The following TMTC1 variants were observed in gnomAD, a reference collection of about 807,000 sequenced individuals.
TMTC1 encodes the protein transmembrane O-mannosyltransferase targeting cadherins 1, also known as protein O-mannosyl-transferase TMTC1.
TMTC1 carries 73 observed loss-of-function variants against 104.8 expected under a neutral mutation model. That is an observed-to-expected ratio of 0.70 (90% CI 0.58 to 0.85). The LOEUF is 0.85. Ranked by LOEUF, TMTC1 falls within the 40% of genes least tolerant of loss-of-function variation. The pLI is 0.00. For missense variants in TMTC1, 1,035 were observed against 1,096.1 expected (o/e 0.94, Z 0.79); for synonymous variants, 434 against 428.7 (o/e 1.01, Z -0.15).
chr12:29,536,162 T>G, intron 11 of TMTC1, 47 bp downstream of exon 11: 1 of 1,202,812 alleles, frequency 8.3e-7, no homozygotes, highest in Non-Finnish European at 1.2e-6. Flanking sequence ...CATTAATTTA[T>G]ACATGTAACA....
chr12:29,713,070 A>T (rs915697184), intron 5 of TMTC1, among the ~76,000 whole-genome samples: 2 of 151,960 alleles, frequency 1.3e-5, no homozygotes, highest in African/African-American at 2.4e-5. Flanking sequence ...AATCAATTGA[A>T]GGCCTTAAGA....
At chr12:29,599,240 G>T (rs1197869925) in intron 7 of TMTC1, among the ~76,000 whole-genome samples, 1 of 152,082 alleles carries the variant, frequency 6.6e-6, no homozygotes, top group Non-Finnish European at 1.5e-5. Context: ...TGCTTCTGTT[G>T]GGAAAAAATA....
chr12:29,577,608 A>C (rs541802791), intron 8 of TMTC1, among the ~76,000 whole-genome samples: 2 of 150,882 alleles, frequency 1.3e-5, no homozygotes, highest in East Asian at 3.9e-4. Flanking sequence ...CATTTTACAC[A>C]AGAGAGAGCC....
In TMTC1 at chr12:29,751,796, G is replaced by A; in HGVS notation, c.808C>T (p.His270Tyr). ...CGCTGCTGCTTCCCATTCTCCCGGT[G>A]AGGATGGCCTGGCAGTGAGGAGGGC... ...PQPSSLPGHP[H>Y]RENGKQQRFP... Residue 270 changes from histidine to tyrosine, a missense_variant, in exon 5 of 18, where the codon CAC (histidine) becomes TAC (tyrosine). Transcript: ENST00000539277. 1 of 1,613,198 alleles carries A rather than the reference G, an allele frequency of 6.2e-7. No homozygotes were observed. Among genetic ancestry groups the A allele is most frequent in the Non-Finnish European group, 8.5e-7 (1 of 1,179,632 alleles).
chr12:29,576,578 A>G (rs1256184690), intron 8 of TMTC1, among the ~76,000 whole-genome samples: 1 of 152,208 alleles, frequency 6.6e-6, no homozygotes, highest in East Asian at 1.9e-4. Flanking sequence ...TTAATAAATG[A>G]AATTGAACAC....
At chr12:29,660,926 AC>A in intron 5 of TMTC1, 1 of 1,231,154 alleles carries the variant, frequency 8.1e-7, no homozygotes, top group South Asian at 1.5e-5. Context: ...AAGTGTGTCT[AC>A]CAGACACAAT....
At chr12:29,524,667 G>A (rs984347456) in intron 11 of TMTC1, among the ~76,000 whole-genome samples, 1 of 152,258 alleles carries the variant, frequency 6.6e-6, no homozygotes, top group Middle Eastern at 3.4e-3. Context: ...GAAGGCCCCT[G>A]GCAGTGTTGT....
intron 7 of TMTC1, among the ~76,000 whole-genome samples, chr12:29,584,738 C>T (rs1375709096): frequency 2.0e-5 from 3 of 151,784 alleles, no homozygotes; most frequent in South Asian, 4.2e-4. Context: ...TGGTTTCCAG[C>T]TTCATCCATG....
At chr12:29,648,703 C>T (rs1939383138) in intron 5 of TMTC1, among the ~76,000 whole-genome samples, 1 of 151,890 alleles carries the variant, frequency 6.6e-6, no homozygotes, top group South Asian at 2.1e-4. Flanking sequence ...AGAATGAAAG[C>T]ATATATAATT....
intron 11 of TMTC1, chr12:29,534,036 G>C (rs1434160603): frequency 6.6e-6 from 1 of 152,200 alleles, no homozygotes; most frequent in Non-Finnish European, 1.5e-5. Flanking sequence ...TGGCTTCACT[G>C]TGTGTTACAT....
At chr12:29,569,442 C>T (rs1306538892) in intron 9 of TMTC1, among the ~76,000 whole-genome samples, 1 of 152,116 alleles carries the variant, frequency 6.6e-6, no homozygotes, top group Non-Finnish European at 1.5e-5. Context: ...ATTGCATTTC[C>T]CTAATCACTC....
Position 29,503,071 on chromosome 12 carries a change from G to C in TMTC1, c.*3775C>G, listed in dbSNP as rs1169606518. 6.6e-6 allele frequency: 1 copy of C among 152,150 alleles called. No individual in the cohort carries two copies. Among genetic ancestry groups the C allele is most frequent in the Non-Finnish European group, 1.5e-5 (1 of 68,028 alleles). 9.4% of individuals were successfully genotyped at this position (152,150 alleles called of 1,614,324 possible). A position where few individuals can be genotyped will look rare whatever the true frequency, so the allele number is the denominator to read the frequency against. On this transcript the variant is annotated 3_prime_UTR_variant, in exon 18 of 18. Transcript: ENST00000539277. The stretch of plus-strand genomic sequence containing the variant: ...AGGACAGTTTGGATTTTCTCATTTA[G>C]TCTGACTGAAAGGCCGTTGCGCAGA...
At chr12:29,562,264 C>T (rs549152177) in intron 9 of TMTC1, among the ~76,000 whole-genome samples, 2 of 152,332 alleles carry the variant, frequency 1.3e-5, no homozygotes, top group African/African-American at 4.8e-5. Flanking sequence ...AAAGCCTCAA[C>T]TGCAATTCAG....
intron 11 of TMTC1, among the ~76,000 whole-genome samples, chr12:29,526,668 T>C (rs542354314): frequency 1.6e-4 from 25 of 152,274 alleles, no homozygotes; most frequent in African/African-American, 5.8e-4. Flanking sequence ...GTGAACCTCC[T>C]TGAAGATACG....
At position 29,783,808 on chromosome 12, in the gene TMTC1, T is replaced by G; in HGVS notation, c.-57A>C. 3 of 1,113,456 alleles carry G rather than the reference T, an allele frequency of 2.7e-6. No homozygotes were observed. The highest frequency in any genetic ancestry group is 3.3e-6 in the Non-Finnish European group (3 of 913,486). 69.0% of individuals were successfully genotyped at this position (1,113,456 alleles called of 1,614,324 possible). ...CTCCCGGGCGTCTGGCATCCTCCCC[T>G]ACCGGGGCCCCGGCGGCGCGCGGCG... On this transcript the variant is annotated 5_prime_UTR_variant, in exon 1 of 18. Coordinates refer to ENST00000539277, the MANE Select transcript of TMTC1 (RefSeq NM_001193451.2). The surrounding 1 kb of genome is among the most constrained non-coding windows in gnomAD (Gnocchi z 4.7).
rs118020071 is a variant in TMTC1 at position 29,502,399 on chromosome 12, T to C, written c.*4447A>G. The C allele has an allele frequency of 3.9e-4, 59 of 151,918 alleles. 3 individuals are homozygous for C. In the East Asian group the frequency reaches 0.01, roughly 26 times the overall value. The allele number at this position is 151,918 out of a possible 1,614,324, so 9.4% of individuals were successfully genotyped here. A position where few individuals can be genotyped will look rare whatever the true frequency, so the allele number is the denominator to read the frequency against. On this transcript the variant is annotated 3_prime_UTR_variant, in exon 18 of 18. Transcript: ENST00000539277. ...CAAAGAAATAATTAACAAAAGCTCATGTGTGCCCAAAATAAAGATAGAGAT... is the reference window on the plus strand; with the variant it reads ...CAAAGAAATAATTAACAAAAGCTCACGTGTGCCCAAAATAAAGATAGAGAT...
At chr12:29,738,507 A>G (rs1258740863) in intron 5 of TMTC1, among the ~76,000 whole-genome samples, 1 of 152,240 alleles carries the variant, frequency 6.6e-6, no homozygotes, top group Non-Finnish European at 1.5e-5. Context: ...AATGCAGTCA[A>G]TATTAGGCTG....
At chr12:29,707,844 A>G (rs1007755515) in intron 5 of TMTC1, among the ~76,000 whole-genome samples, 7 of 151,888 alleles carry the variant, frequency 4.6e-5, no homozygotes, top group Admixed American at 3.3e-4. Flanking sequence ...AAGTTTAAAT[A>G]CGGTCCTCTC....
intron 5 of TMTC1, among the ~76,000 whole-genome samples, chr12:29,747,317 T>C (rs886151575): frequency 1.3e-5 from 2 of 152,124 alleles, no homozygotes; most frequent in Non-Finnish European, 2.9e-5. Flanking sequence ...AATAATTCAG[T>C]AAAAGAAGCA....
Sources: allele counts gnomAD v4.1 joint callset (sites outside exome capture counted in the v4.1 genomes callset), GRCh38; gene constraint gnomAD v4.1.1; non-coding constraint Gnocchi (gnomAD v3.1); transcripts MANE v1.5; gene names NCBI Gene and HGNC (gene_info 2026-07-23, HGNC 2026-07-21).